The following GPM6A variants were observed in gnomAD, a reference collection of about 807,000 sequenced individuals.
GPM6A encodes the protein glycoprotein M6A.
A neutral mutation model predicts 32.1 loss-of-function variants in GPM6A; 7 were observed. The observed-to-expected ratio is 0.22, with a 90% CI of 0.12 to 0.41. The LOEUF (loss-of-function observed/expected upper bound fraction) is 0.41, where lower values mean the gene tolerates loss of function less well. GPM6A is among the 10% of genes least tolerant of loss of function. The pLI is 1.00. For synonymous variants in GPM6A, 130 were observed against 123.4 expected (o/e 1.05, Z -0.35); for missense variants, 235 against 347.2 (o/e 0.68, Z 2.57).
At chr4:175,810,327 GA>G (rs969549151) in intron 1 of GPM6A, among the ~76,000 whole-genome samples, 1 of 151,962 alleles carries the variant, frequency 6.6e-6, no homozygotes, top group African/African-American at 2.4e-5. Context: ...TCTCAATTAA[GA>G]AAAAAACCTA....
chr4:175,696,893 G>A (rs982118604), intron 2 of GPM6A, among the ~76,000 whole-genome samples: 1 of 151,986 alleles, frequency 6.6e-6, no homozygotes, highest in Admixed American at 6.6e-5. Flanking sequence ...AAACCCACCC[G>A]AAGTTAGTTG....
intron 1 of GPM6A, among the ~76,000 whole-genome samples, chr4:175,840,640 C>T (rs1209752003): frequency 6.6e-6 from 1 of 152,160 alleles, no homozygotes; most frequent in East Asian, 1.9e-4. Flanking sequence ...TGCCATTGCA[C>T]TCCAGCTGGA....
chr4:175,945,474 G>T (rs1053844075), intron 1 of GPM6A, among the ~76,000 whole-genome samples: 1 of 151,968 alleles, frequency 6.6e-6, no homozygotes, highest in Non-Finnish European at 1.5e-5. Flanking sequence ...ATATTACTCA[G>T]TTGTAAATAA....
At chr4:175,913,926 A>G (rs182742034) in intron 1 of GPM6A, among the ~76,000 whole-genome samples, 25 of 152,284 alleles carry the variant, frequency 1.6e-4, no homozygotes, top group African/African-American at 4.3e-4. Context: ...CCCTCTCACC[A>G]TTGACATCAT....
intron 6 of GPM6A, among the ~76,000 whole-genome samples, chr4:175,637,386 A>G (rs1740780907): frequency 2.4e-5 from 2 of 82,212 alleles, no homozygotes; most frequent in Non-Finnish European, 4.3e-5. Context: ...ATTATATAAT[A>G]TATAATAATA....
At chr4:175,964,994 C>T (rs1740289304) in intron 1 of GPM6A, among the ~76,000 whole-genome samples, 1 of 152,184 alleles carries the variant, frequency 6.6e-6, no homozygotes, top group Non-Finnish European at 1.5e-5. Flanking sequence ...CAGACTTAAA[C>T]ACTGCTCAAT....
chr4:175,957,657 AC>A (rs946960858), intron 1 of GPM6A, among the ~76,000 whole-genome samples: 19 of 152,324 alleles, frequency 1.2e-4, no homozygotes, highest in South Asian at 8.3e-4. Context: ...GCACGTGTAT[AC>A]CTATGTAACA....
At chr4:175,783,279 A>G (rs1030274425) in intron 1 of GPM6A, among the ~76,000 whole-genome samples, 1 of 151,916 alleles carries the variant, frequency 6.6e-6, no homozygotes, top group East Asian at 1.9e-4. Flanking sequence ...ATTAAGTCAC[A>G]TTAATTTTGC....
chr4:175,650,282 ATTTATTTATTTATTTATTTAT>A (rs1013379082), intron 4 of GPM6A, among the ~76,000 whole-genome samples: 20 of 15,076 alleles, frequency 1.3e-3, no homozygotes, highest in East Asian at 2.8e-3. Flanking sequence ...TTATTTATTT[ATTTATTTATTTATTTATTTAT>A]TTATTTATTT....
intron 1 of GPM6A, among the ~76,000 whole-genome samples, chr4:175,898,601 T>C (rs1049274711): frequency 1.3e-5 from 2 of 152,108 alleles, no homozygotes; most frequent in African/African-American, 4.8e-5. Context: ...CTGTTTCCAT[T>C]TCTACCTCTC....
At chr4:175,780,284 G>C (rs1274517564) in intron 1 of GPM6A, among the ~76,000 whole-genome samples, 1 of 152,108 alleles carries the variant, frequency 6.6e-6, no homozygotes, top group East Asian at 1.9e-4. Flanking sequence ...CTGACCTCAG[G>C]TGATCCACCT....
intron 1 of GPM6A, among the ~76,000 whole-genome samples, chr4:175,858,531 C>CA (rs527607150): frequency 0.042 from 4,707 of 110,824 alleles, 200 homozygotes; most frequent in African/African-American, 0.14. Context: ...AACTCTGTTT[C>CA]AAAAAAAAAA....
intron 1 of GPM6A, among the ~76,000 whole-genome samples, chr4:175,774,484 T>C (rs1014175449): frequency 6.6e-5 from 10 of 152,038 alleles, no homozygotes; most frequent in Non-Finnish European, 1.0e-4. Context: ...CTCAGTAAAA[T>C]AATAAAACAA....
intron 1 of GPM6A, among the ~76,000 whole-genome samples, chr4:175,849,941 G>C (rs1397299236): frequency 1.3e-5 from 2 of 152,154 alleles, no homozygotes; most frequent in African/African-American, 2.4e-5. Context: ...TTCTGGGAGA[G>C]AGACTAGCAT....
Position 175,693,571 on chromosome 4 carries a change from T to C in GPM6A, c.230+8004A>G, listed in dbSNP as rs1269310710. On this transcript the variant is annotated intron_variant, in intron 2 of 6. Coordinates refer to ENST00000393658, the MANE Select transcript of GPM6A (RefSeq NM_201591.3). ...ACCTCATTTCAAGGTAGTCTATGTA[T>C]TCTTTTTTGAAAAGATTTTTGGAAA... is the stretch of plus-strand genomic sequence containing the variant. Among the ~76,000 whole-genome samples the C allele has an allele frequency of 2.0e-5, 3 of 152,186 alleles. No individual in the cohort carries two copies. In the East Asian group the frequency reaches 5.8e-4, roughly 29 times the overall value.
chr4:175,894,963 C>A (rs1202636752), intron 1 of GPM6A, among the ~76,000 whole-genome samples: 1 of 152,156 alleles, frequency 6.6e-6, no homozygotes, highest in Non-Finnish European at 1.5e-5. Flanking sequence ...CACTGCTTCC[C>A]AAATCAGTAT....
Position 175,953,283 on chromosome 4 carries a change from C to T in GPM6A, c.-23+49026G>A, listed in dbSNP as rs914442553. ...CTATAAATACACTGTGTTGGAACCT[C>T]GGCTGTATCATGACAATTTTCCACA... On this transcript the variant is annotated intron_variant, in intron 1 of 7. Coordinates refer to the GPM6A transcript ENST00000280187. Among the ~76,000 whole-genome samples the T allele has an allele frequency of 3.3e-5, 5 of 151,878 alleles. No homozygotes were observed. In the East Asian group the frequency reaches 9.6e-4, roughly 29 times the overall value.
intron 1 of GPM6A, among the ~76,000 whole-genome samples, chr4:175,893,828 G>A (rs1737716307): frequency 1.3e-5 from 2 of 152,152 alleles, no homozygotes; most frequent in Non-Finnish European, 2.9e-5. Context: ...AAGATAACCT[G>A]ATATCTATCA....
At chr4:175,748,788 C>T (rs955317352) in intron 1 of GPM6A, among the ~76,000 whole-genome samples, 1 of 152,152 alleles carries the variant, frequency 6.6e-6, no homozygotes, top group Non-Finnish European at 1.5e-5. Context: ...TCCTACAGGA[C>T]ATCTTCCAAT....
Sources: gnomAD v4.1 joint callset for allele counts (sites outside exome capture counted in the v4.1 genomes callset) on GRCh38, gnomAD v4.1.1 for gene constraint, MANE v1.5 for transcripts, NCBI Gene and HGNC (gene_info 2026-07-23, HGNC 2026-07-21) for gene names.